The following NUP107 variants were observed in gnomAD, a reference collection of about 807,000 sequenced individuals.
The protein encoded by NUP107 is nucleoporin 107, also known as nuclear pore complex protein Nup107.
Under a neutral mutation model 141.0 loss-of-function variants are expected in NUP107, and 101 were observed. The ratio of observed to expected loss-of-function variants is 0.72; its 90% CI spans 0.61 to 0.84. NUP107 has a LOEUF of 0.84. Ranked by LOEUF, NUP107 falls within the 40% of genes least tolerant of loss-of-function variation. The probability of loss-of-function intolerance (pLI) is 0.00; values close to 1 mark genes in which losing one functional copy is unlikely to be tolerated. For synonymous variants in NUP107, 319 were observed against 363.9 expected (o/e 0.88, Z 1.41); for missense variants, 941 against 1,102.7 (o/e 0.85, Z 2.08).
intron 25 of NUP107, 103 bp from the exon 26 acceptor site, chr12:68,735,128 T>A (rs1197804637): frequency 1.2e-6 from 1 of 824,556 alleles, no homozygotes; most frequent in African/African-American, 1.7e-5. Flanking sequence ...AAACATCAAC[T>A]CTTTAGAATG....
At chr12:68,707,237 A>G (rs1033205298) in intron 8 of NUP107, among the ~76,000 whole-genome samples, 1 of 152,114 alleles carries the variant, frequency 6.6e-6, no homozygotes, top group Non-Finnish European at 1.5e-5. Flanking sequence ...GCCCATGCCT[A>G]CAGCTACAAA....
intron 26 of NUP107, among the ~76,000 whole-genome samples, chr12:68,738,317 G>A (rs1375140612): frequency 6.6e-6 from 1 of 151,824 alleles, no homozygotes; most frequent in African/African-American, 2.4e-5. Flanking sequence ...GGGTGTGGTG[G>A]CTCGCGCCTG....
At position 68,735,273 on chromosome 12, in the gene NUP107, G is replaced by A. The variant is rs754214753; in HGVS notation, c.2431G>A (p.Ala811Thr). 1 of 1,614,058 alleles carries A rather than the reference G, an allele frequency of 6.2e-7. No homozygotes were observed. The highest frequency in any genetic ancestry group is 8.5e-7 in the Non-Finnish European group (1 of 1,179,960). ...IWKGHLDALT[A>T]DVKEKMYNVL... ...GAAAGGGCATTTGGATGCCCTAACTGCTGATGTGAAGGAGAAAATGTATAA... is the reference window on the plus strand; with the variant it reads ...GAAAGGGCATTTGGATGCCCTAACTACTGATGTGAAGGAGAAAATGTATAA... Residue 811 changes from alanine to threonine, a missense_variant, in exon 26 of 28, where the codon GCT (alanine) becomes ACT (threonine). Physicochemically the swap from Ala to Thr is moderately conservative, Grantham distance 58. Coordinates refer to ENST00000229179, the MANE Select transcript of NUP107 (RefSeq NM_020401.4).
At chr12:68,724,197 C>T (rs1385530618) in intron 17 of NUP107, among the ~76,000 whole-genome samples, 1 of 151,324 alleles carries the variant, frequency 6.6e-6, no homozygotes, top group Non-Finnish European at 1.5e-5. Flanking sequence ...GGATTTAGTA[C>T]CCCCTCCCCA....
At chr12:68,713,435 G>C (rs1876961299) in intron 10 of NUP107, among the ~76,000 whole-genome samples, 1 of 150,708 alleles carries the variant, frequency 6.6e-6, no homozygotes, top group Non-Finnish European at 1.5e-5. Flanking sequence ...CACAGACTGG[G>C]ATGTGTAGTT....
chr12:68,720,583 C>T (rs987357771), intron 14 of NUP107, among the ~76,000 whole-genome samples: 2 of 152,114 alleles, frequency 1.3e-5, no homozygotes, highest in African/African-American at 2.4e-5. Context: ...CAGAGGTGGA[C>T]TCAGTTATGC....
At chr12:68,718,722 G>T (rs1001036707) in intron 12 of NUP107, among the ~76,000 whole-genome samples, 1 of 151,920 alleles carries the variant, frequency 6.6e-6, no homozygotes, top group Non-Finnish European at 1.5e-5. Flanking sequence ...CTTCAGTCCA[G>T]AAGTTCGAGA....
intron 21 of NUP107, 60 bp from the exon 22 acceptor site, chr12:68,731,547 T>A: frequency 1.1e-6 from 1 of 917,694 alleles, no homozygotes; most frequent in Middle Eastern, 2.7e-4. Flanking sequence ...TATGACTATT[T>A]AGAGAATATT....
In NUP107 at chr12:68,705,987, G is replaced by A. The variant is rs1447978022; in HGVS notation, c.729+3203G>A. On this transcript the variant is annotated intron_variant, in intron 8 of 27. Coordinates refer to ENST00000229179, the MANE Select transcript of NUP107 (RefSeq NM_020401.4). ...AGTTCCTGCAGCAGCAGAACAAGAT[G>A]CTGGAGACCAAGTGGAGGCCCCTGC... 3 of 902,684 alleles carry A rather than the reference G, an allele frequency of 3.3e-6. No homozygotes were observed. The South Asian group carries it at 3.9e-5, about 12-fold the overall frequency. 55.9% of individuals were successfully genotyped at this position (902,684 alleles called of 1,614,324 possible).
chr12:68,732,797 A>G (rs748029335), intron 23 of NUP107, 58 bp downstream of exon 23: 34 of 1,178,670 alleles, frequency 2.9e-5, no homozygotes, highest in African/African-American at 4.6e-5. Flanking sequence ...TTCCTACCTC[A>G]GCCTCCCAAG....
rs562192610 is a variant in NUP107 at position 68,710,235 on chromosome 12, A to G, written c.890+142A>G. ...TTTGGTGTGTGAGCAAAACAAATAA[A>G]GGCTTTGCCTTTATGGAATTTATAA... On this transcript the variant is annotated intron_variant, in intron 10 of 27. Coordinates refer to ENST00000229179, the MANE Select transcript of NUP107 (RefSeq NM_020401.4). 4 of 533,860 alleles carry G rather than the reference A, an allele frequency of 7.5e-6. No individual in the cohort carries two copies. In the African/African-American group the frequency reaches 7.8e-5, roughly 10 times the overall value. 33.1% of individuals were successfully genotyped at this position (533,860 alleles called of 1,614,324 possible). A position where few individuals can be genotyped will look rare whatever the true frequency, so the allele number is the denominator to read the frequency against.
chr12:68,731,840 C>A, intron 22 of NUP107, 121 bp downstream of exon 22: 2 of 575,122 alleles, frequency 3.5e-6, no homozygotes, highest in Non-Finnish European at 6.0e-6. Context: ...AAGAATGTGT[C>A]TTTGTCAGCC....
chr12:68,713,825 A>G lies in NUP107; in HGVS notation c.969+17A>G, dbSNP rs372151481. The G allele has an allele frequency of 1.1e-5, 17 of 1,579,508 alleles. No individual in the cohort carries two copies. Among genetic ancestry groups the G allele is most frequent in the Middle Eastern group, 1.7e-4 (1 of 5,986 alleles). On this transcript the variant is annotated intron_variant, in intron 11 of 27. Transcript: ENST00000229179. The stretch of plus-strand genomic sequence containing the variant: ...ACTGAATTGGTAAATGTTCTTTGAA[A>G]TGAAAGTTGCCTTCAAAGTTAACTG...
chr12:68,734,810 G>T lies in NUP107; in HGVS notation c.2365G>T (p.Glu789Ter). 1 of 1,612,356 alleles carries T rather than the reference G, an allele frequency of 6.2e-7. No homozygotes were observed. The highest frequency in any genetic ancestry group is 1.1e-5 in the South Asian group (1 of 90,556). The change falls in exon 25 of 28, where the codon GAA (glutamate) becomes TAA (stop). Residue 789 changes from glutamate (E) to a stop codon, truncating the protein, a stop_gained. Coordinates refer to ENST00000229179, the MANE Select transcript of NUP107 (RefSeq NM_020401.4). LOFTEE classifies it high-confidence loss of function. ...QPTFTEKVAH[E>*]HKEKKYEMDF... ...AACTTTTACTGAGAAAGTGGCTCAT[G>T]AACACAAAGAAAAGAAATATGAAGT...
Position 68,691,972 on chromosome 12 carries a change from C to G in NUP107, c.308C>G (p.Thr103Ser), listed in dbSNP as rs545174815. The part of the protein sequence containing the change: ...SGFFGNLSMV[T>S]NLDDSNWAAA... ...ACTTTTTTGTTTTTTTTTAAGGTTA[C>G]TAATCTGGATGACAGTAACTGGGCA... The change falls in exon 5 of 28, where the codon ACT becomes AGT. Residue 103 changes from threonine to serine, a missense_variant. Thr to Ser is a moderately conservative substitution (Grantham distance 58). Transcript: ENST00000229179. 2 of 1,589,498 alleles carry G rather than the reference C, an allele frequency of 1.3e-6. No individual in the cohort carries two copies. Among genetic ancestry groups the G allele is most frequent in the South Asian group, 2.3e-5 (2 of 85,964 alleles).
chr12:68,713,641 T>C, intron 10 of NUP107, 89 bp from the exon 11 acceptor site: 1 of 910,974 alleles, frequency 1.1e-6, no homozygotes, highest in Non-Finnish European at 1.8e-6. Context: ...TTGTAGTCTG[T>C]CTTTCTTCCT....
Position 68,702,706 on chromosome 12 carries a change from G to A in NUP107, c.681-30G>A, listed in dbSNP as rs191511497. Reference sequence around the variant, plus strand: ...GTTCATTATATTCGTGTGAAATAAGGCTTTTTTATTTTGTCTTATTTTTCC... The same window carrying A: ...GTTCATTATATTCGTGTGAAATAAGACTTTTTTATTTTGTCTTATTTTTCC... On this transcript the variant is annotated intron_variant, in intron 7 of 27. Coordinates refer to ENST00000229179, the MANE Select transcript of NUP107 (RefSeq NM_020401.4). The A allele has an allele frequency of 8.8e-6, 13 of 1,478,666 alleles. No homozygotes were observed. The Admixed American group carries it at 2.5e-4, about 28-fold the overall frequency. 91.6% of individuals were successfully genotyped at this position (1,478,666 alleles called of 1,614,324 possible).
Position 68,715,701 on chromosome 12 carries a change from A to G in NUP107, c.1044A>G (p.Lys348=), listed in dbSNP as rs1190263506. The G allele has an allele frequency of 2.5e-6, 4 of 1,612,288 alleles. No individual in the cohort carries two copies. The highest frequency in any genetic ancestry group is 3.4e-6 in the Non-Finnish European group (4 of 1,178,576). The change falls in exon 12 of 28, where the codon AAA becomes AAG. Residue 348 remains lysine, a synonymous_variant. Transcript: ENST00000229179. ...LDREDEVRLL[K]YLFTLIRAGM... is the part of the protein sequence containing the mutation. ...GAGAAGATGAAGTTAGATTACTCAA[A>G]TATCTCTTTACTCTAATCCGTGCTG...
Position 68,696,940 on chromosome 12 carries a change from C to T in NUP107, c.552+18C>T, listed in dbSNP as rs776298326. 33 of 1,433,136 alleles carry T rather than the reference C, an allele frequency of 2.3e-5. No homozygotes were observed. In the Admixed American group the frequency reaches 4.0e-4, roughly 18 times the overall value. 88.8% of individuals were successfully genotyped at this position (1,433,136 alleles called of 1,614,324 possible). On this transcript the variant is annotated intron_variant, in intron 6 of 27. Transcript: ENST00000229179. ...GTAGTCAGGTAAGCTAATTTCACTC[C>T]GTCGTTAGTCAAACTTCAGTATTTT...
Sources: allele counts gnomAD v4.1 joint callset (sites outside exome capture counted in the v4.1 genomes callset), GRCh38; gene constraint gnomAD v4.1.1; transcripts MANE v1.5; gene names NCBI Gene and HGNC (gene_info 2026-07-23, HGNC 2026-07-21).